PTPRA: variants seen among roughly 807,000 people sequenced by gnomAD.
PTPRA encodes the protein protein tyrosine phosphatase receptor type A.
Under a neutral mutation model 104.8 loss-of-function variants are expected in PTPRA, and 25 were observed. That is an observed-to-expected ratio of 0.24 (90% CI 0.17 to 0.33). PTPRA has a LOEUF of 0.33. Ranked by LOEUF, PTPRA falls within the 10% of genes least tolerant of loss-of-function variation. The pLI is 1.00. For missense variants in PTPRA, 765 were observed against 1,015.3 expected (o/e 0.75, Z 3.35); for synonymous variants, 323 against 368.9 (o/e 0.88, Z 1.43).
chr20:2,866,675 G>A, the PTPRA span: 1 of 1,525,658 alleles, frequency 6.6e-7, no homozygotes, highest in Non-Finnish European at 8.9e-7. Context: ...GAGCAATGCT[G>A]AGGAGCGGGG....
Position 2,988,491 on chromosome 20 carries a change from G to C in PTPRA, c.738+17G>C. The C allele has an allele frequency of 6.2e-7, 1 of 1,610,308 alleles. No individual in the cohort carries two copies. The highest frequency in any genetic ancestry group is 8.5e-7 in the Non-Finnish European group (1 of 1,179,194). On this transcript the variant is annotated intron_variant, in intron 9 of 23. Coordinates refer to ENST00000399903, the MANE Select transcript of PTPRA (RefSeq NM_001385305.1). The stretch of plus-strand genomic sequence containing the variant: ...GAATTCAACGTGAGTACTTTGTTGA[G>C]GCTGGTGTATCAGCAGGGAAGAAGG...
chr20:3,004,994 C>G (rs2063799737), intron 9 of PTPRA, 62 bp from the exon 10 acceptor site: 2 of 1,421,478 alleles, frequency 1.4e-6, no homozygotes, highest in Non-Finnish European at 2.0e-6. Flanking sequence ...TTTGGTGCAG[C>G]AGTTTGCATG....
intron 5 of PTPRA, among the ~76,000 whole-genome samples, chr20:2,967,323 G>T (rs1009209404): frequency 1.3e-5 from 2 of 152,102 alleles, no homozygotes; most frequent in Non-Finnish European, 2.9e-5. Context: ...TTCAAGATGA[G>T]TAAAACACAA....
intron 2 of PTPRA, among the ~76,000 whole-genome samples, chr20:2,936,019 CAA>C (rs754133556): frequency 2.3e-5 from 3 of 132,614 alleles, no homozygotes; most frequent in Non-Finnish European, 1.6e-5. Context: ...AAATCCAACT[CAA>C]AAAAAAAAAA....
At chr20:2,969,524 C>T (rs1380379829) in intron 5 of PTPRA, among the ~76,000 whole-genome samples, 3 of 151,194 alleles carry the variant, frequency 2.0e-5, no homozygotes, top group South Asian at 2.1e-4. Flanking sequence ...GTATTACAGG[C>T]GTGAGCCACT....
chr20:2,895,072 GTTAT>G (rs1187486278), intron 1 of PTPRA, among the ~76,000 whole-genome samples: 6 of 151,164 alleles, frequency 4.0e-5, no homozygotes, highest in Admixed American at 2.6e-4. Context: ...ACTATTACTT[GTTAT>G]TTATTTATTT....
intron 1 of PTPRA, among the ~76,000 whole-genome samples, chr20:2,907,389 C>T (rs2059465541): frequency 6.6e-6 from 1 of 151,834 alleles, no homozygotes; most frequent in Non-Finnish European, 1.5e-5. Flanking sequence ...TCAGGTTATT[C>T]AGCTTCTGTT....
chr20:3,004,314 G>A (rs1963274), intron 9 of PTPRA, among the ~76,000 whole-genome samples: 57,564 of 152,118 alleles, frequency 0.38, 11,547 homozygotes, highest in East Asian at 0.68. Context: ...CACTTCACCC[G>A]GCCCCAATTT....
intron 1 of PTPRA, among the ~76,000 whole-genome samples, chr20:2,883,651 C>CA (rs71195803): frequency 0.056 from 177 of 3,180 alleles, 32 homozygotes; most frequent in East Asian, 0.1. Context: ...GACTCCGTCT[C>CA]AAAAAAAAAA....
At position 2,965,003 on chromosome 20, in the gene PTPRA, A is replaced by T. The variant is rs138210276; in HGVS notation, c.216A>T (p.Gly72=). Residue 72 remains glycine (G), a synonymous_variant, in exon 5 of 24, where the codon GGA becomes GGT. Coordinates refer to ENST00000399903, the MANE Select transcript of PTPRA (RefSeq NM_001385305.1). The part of the protein sequence containing the change: ...APTFSPNITL[G]PTYLTTVNSS... ...CATTCAGCCCAAATATAACTCTGGG[A>T]CCCACCTATTTAACCACTGTCAATT... The T allele has an allele frequency of 1.9e-6, 3 of 1,613,990 alleles. No homozygotes were observed. Among genetic ancestry groups the T allele is most frequent in the African/African-American group, 2.7e-5 (2 of 74,904 alleles).
chr20:2,907,369 C>T (rs905614974), intron 1 of PTPRA, among the ~76,000 whole-genome samples: 1 of 151,572 alleles, frequency 6.6e-6, no homozygotes, highest in African/African-American at 2.4e-5. Context: ...CTGCTGTGTG[C>T]CTGGGCAAGT....
chr20:2,983,218 G>A (rs1014849474), intron 6 of PTPRA, among the ~76,000 whole-genome samples: 11 of 152,076 alleles, frequency 7.2e-5, no homozygotes, highest in South Asian at 2.1e-4. Context: ...ACAGAGAGAG[G>A]CTGTGTAAAG....
chr20:2,868,641 T>C (rs1476950125), upstream of PTPRA, among the ~76,000 whole-genome samples: 2 of 141,528 alleles, frequency 1.4e-5, no homozygotes, highest in East Asian at 2.1e-4. Context: ...TTTTTTTTTT[T>C]TTTTTTTGTC....
At chr20:3,025,705 A>G (rs1210317914) in intron 17 of PTPRA, among the ~76,000 whole-genome samples, 5 of 150,114 alleles carry the variant, frequency 3.3e-5, no homozygotes, top group African/African-American at 4.9e-5. Flanking sequence ...CTCTGTCTCT[A>G]TTAAAAATAC....
chr20:2,869,574 A>G (rs1489406815), upstream of PTPRA, among the ~76,000 whole-genome samples: 3 of 152,176 alleles, frequency 2.0e-5, no homozygotes, highest in Non-Finnish European at 4.4e-5. Flanking sequence ...CGTCCAATGT[A>G]TGACGCTAGG....
At chr20:2,876,280 CA>C (rs542246972) in intron 1 of PTPRA, among the ~76,000 whole-genome samples, 4 of 152,148 alleles carry the variant, frequency 2.6e-5, no homozygotes, top group Non-Finnish European at 4.4e-5. Context: ...TCTAGCAATA[CA>C]AAAGAGTATA....
At chr20:2,982,522 G>C (rs1183591054) in intron 6 of PTPRA, among the ~76,000 whole-genome samples, 1 of 151,976 alleles carries the variant, frequency 6.6e-6, no homozygotes, top group Non-Finnish European at 1.5e-5. Flanking sequence ...CTAGGTTTTA[G>C]GTGTACAGTG....
chr20:2,883,177 A>T (rs926410288), intron 1 of PTPRA, among the ~76,000 whole-genome samples: 1 of 152,058 alleles, frequency 6.6e-6, no homozygotes, highest in Non-Finnish European at 1.5e-5. Flanking sequence ...GAATAATGCA[A>T]ATAGTACAAA....
intron 4 of PTPRA, 126 bp downstream of exon 4, chr20:2,964,476 TA>T (rs2061874754): frequency 2.5e-6 from 2 of 794,200 alleles, no homozygotes; most frequent in Admixed American, 2.8e-5. Flanking sequence ...AAAGTGATGG[TA>T]AAATAGGTGT....
Sources: allele counts gnomAD v4.1 joint callset (sites outside exome capture counted in the v4.1 genomes callset), GRCh38; gene constraint gnomAD v4.1.1; transcripts MANE v1.5; gene names NCBI Gene and HGNC (gene_info 2026-07-23, HGNC 2026-07-21).